The following SPATA6 variants were observed in gnomAD, a reference collection of about 807,000 sequenced individuals.
The protein encoded by SPATA6 is spermatogenesis associated 6.
In SPATA6, 56 loss-of-function variants were observed where a neutral mutation model predicts 65.3. The observed-to-expected ratio is 0.86, with a 90% CI of 0.69 to 1.07. The LOEUF (loss-of-function observed/expected upper bound fraction) is 1.07, where lower values mean the gene tolerates loss of function less well. Ranked by LOEUF, SPATA6 falls within the 50% of genes least tolerant of loss-of-function variation. The pLI is 0.00. For missense variants in SPATA6, 590 were observed against 594.8 expected (o/e 0.99, Z 0.08); for synonymous variants, 199 against 213.2 (o/e 0.93, Z 0.58).
chr1:48,360,765 C>T (rs1169566958), intron 9 of SPATA6, among the ~76,000 whole-genome samples: 3 of 152,136 alleles, frequency 2.0e-5, no homozygotes, highest in African/African-American at 7.2e-5. Flanking sequence ...CAGCTAGGAA[C>T]CTATTATAAT....
chr1:48,424,368 A>T (rs1012576195), intron 3 of SPATA6, among the ~76,000 whole-genome samples: 2 of 152,206 alleles, frequency 1.3e-5, no homozygotes, highest in African/African-American at 4.8e-5. Flanking sequence ...CTATTGAGTA[A>T]ATGTATACTT....
At chr1:48,313,749 C>G (rs780404452) in intron 11 of SPATA6, among the ~76,000 whole-genome samples, 19 of 152,034 alleles carry the variant, frequency 1.2e-4, no homozygotes, top group Admixed American at 2.0e-4. Flanking sequence ...CACAGACTGG[C>G]AAACTGGATA....
intron 1 of SPATA6, among the ~76,000 whole-genome samples, chr1:48,469,273 T>C (rs1443725097): frequency 1.3e-5 from 2 of 152,170 alleles, no homozygotes; most frequent in African/African-American, 4.8e-5. Context: ...CAAATTAATG[T>C]ACATGGTCAT....
intron 3 of SPATA6, among the ~76,000 whole-genome samples, chr1:48,418,003 T>C (rs1490146864): frequency 6.6e-6 from 1 of 152,178 alleles, no homozygotes; most frequent in African/African-American, 2.4e-5. Flanking sequence ...TATAGTTACA[T>C]ACCTGATTCT....
intron 5 of SPATA6, among the ~76,000 whole-genome samples, chr1:48,405,491 G>A (rs1354242882): frequency 6.6e-6 from 1 of 152,180 alleles, no homozygotes; most frequent in Admixed American, 6.5e-5. Context: ...AACTTGACTG[G>A]AGTTTGAGAA....
At chr1:48,364,890 T>G (rs977900524) in intron 9 of SPATA6, among the ~76,000 whole-genome samples, 1 of 152,186 alleles carries the variant, frequency 6.6e-6, no homozygotes, top group Non-Finnish European at 1.5e-5. Flanking sequence ...ATGTCCTGAA[T>G]GGTATTGCCT....
intron 11 of SPATA6, among the ~76,000 whole-genome samples, chr1:48,323,465 G>A (rs956952062): frequency 3.9e-5 from 6 of 152,082 alleles, no homozygotes; most frequent in South Asian, 2.1e-4. Flanking sequence ...AATACCTGAC[G>A]TAAATGATGA....
At chr1:48,451,234 AAC>A (rs1484786590) in intron 3 of SPATA6, among the ~76,000 whole-genome samples, 1 of 152,204 alleles carries the variant, frequency 6.6e-6, no homozygotes, top group Non-Finnish European at 1.5e-5. Context: ...GGAAAATCTC[AAC>A]TAACATAAAT....
chr1:48,436,334 G>A, intron 3 of SPATA6: 1 of 1,612,508 alleles, frequency 6.2e-7, no homozygotes, highest in East Asian at 2.2e-5. Flanking sequence ...ACAACTTACT[G>A]GACAGTTTTC....
At chr1:48,283,695 A>AGG in the SPATA6 span, among the ~76,000 whole-genome samples, 1 of 135,016 alleles carries the variant, frequency 7.4e-6, no homozygotes, top group Non-Finnish European at 1.5e-5. Context: ...AAAAAAAAAA[A>AGG]AAAAAGAAAG....
chr1:48,438,350 T>TG (rs1655140409), intron 3 of SPATA6, among the ~76,000 whole-genome samples: 1 of 152,116 alleles, frequency 6.6e-6, no homozygotes, highest in African/African-American at 2.4e-5. Context: ...CCTTAGAATT[T>TG]GGGGGCTAAA....
intron 9 of SPATA6, among the ~76,000 whole-genome samples, chr1:48,381,698 T>TA (rs1553160422): frequency 1.1e-4 from 14 of 128,118 alleles, no homozygotes; most frequent in East Asian, 6.5e-4. Context: ...TTTTTTTTTT[T>TA]AATTAATTTA....
At chr1:48,268,694 C>T in the SPATA6 span, among the ~76,000 whole-genome samples, 24,075 of 152,084 alleles carry the variant, frequency 0.16, 2,336 homozygotes, top group Admixed American at 0.26. Context: ...TAACTGAACT[C>T]GTGTTTAGCT....
chr1:48,309,007 T>G (rs1013963983), intron 11 of SPATA6, among the ~76,000 whole-genome samples: 1 of 152,148 alleles, frequency 6.6e-6, no homozygotes, highest in Non-Finnish European at 1.5e-5. Context: ...CATTTCAACC[T>G]TCTGAATATT....
chr1:48,308,363 T>TC (rs1224438782), intron 11 of SPATA6, among the ~76,000 whole-genome samples: 1 of 152,012 alleles, frequency 6.6e-6, no homozygotes, highest in Non-Finnish European at 1.5e-5. Flanking sequence ...TTACAGTCCC[T>TC]CCCCTTTTAA....
At chr1:48,348,681 T>G (rs1646436161) in intron 11 of SPATA6, among the ~76,000 whole-genome samples, 1 of 152,092 alleles carries the variant, frequency 6.6e-6, no homozygotes, top group Non-Finnish European at 1.5e-5. Context: ...CTATTGTCAC[T>G]GCTTCTGCCC....
At chr1:48,288,853 G>C in the SPATA6 span, among the ~76,000 whole-genome samples, 1 of 152,244 alleles carries the variant, frequency 6.6e-6, no homozygotes, top group Non-Finnish European at 1.5e-5. Context: ...CCAGGAAGCT[G>C]AAACTGGGTG....
intron 9 of SPATA6, among the ~76,000 whole-genome samples, chr1:48,367,940 T>C (rs2148846830): frequency 6.6e-6 from 1 of 152,348 alleles, no homozygotes; most frequent in South Asian, 2.1e-4. Flanking sequence ...ATACCAGTTG[T>C]TCCTTTCCAT....
chr1:48,288,775 C>A, the SPATA6 span, among the ~76,000 whole-genome samples: 7 of 152,218 alleles, frequency 4.6e-5, no homozygotes, highest in African/African-American at 7.2e-5. Context: ...GATCGAACTG[C>A]AAGGTGGCAG....
Sources: allele counts gnomAD v4.1 joint callset (sites outside exome capture counted in the v4.1 genomes callset), GRCh38; gene constraint gnomAD v4.1.1; transcripts MANE v1.5; gene names NCBI Gene and HGNC (gene_info 2026-07-23, HGNC 2026-07-21).